EPB41L3: variants seen among roughly 807,000 people sequenced by gnomAD.
EPB41L3 encodes band 4.1-like protein 3.
Under a neutral mutation model 127.1 loss-of-function variants are expected in EPB41L3, and 57 were observed. The observed-to-expected ratio is 0.45, with a 90% CI of 0.36 to 0.56. The LOEUF (loss-of-function observed/expected upper bound fraction) is 0.56. Among genes scored for constraint, EPB41L3 ranks in the 20% least tolerant of loss-of-function variants. EPB41L3 has a pLI of 0.00. For missense variants in EPB41L3, 1,273 were observed against 1,372.2 expected (o/e 0.93, Z 1.14); for synonymous variants, 572 against 549.5 (o/e 1.04, Z -0.57).
intron 3 of EPB41L3, among the ~76,000 whole-genome samples, chr18:5,474,812 G>C (rs968197191): frequency 3.3e-5 from 5 of 152,130 alleles, no homozygotes; most frequent in African/African-American, 9.7e-5. Context: ...AGTAGGAAGG[G>C]GCATTGGATG....
chr18:5,588,496 G>A, intron 3 of EPB41L3, among the ~76,000 whole-genome samples: 1 of 150,434 alleles, frequency 6.6e-6, no homozygotes. Context: ...ACATAAATAT[G>A]TGTATATATT....
At chr18:5,519,131 G>A (rs1350899996) in intron 1 of EPB41L3, among the ~76,000 whole-genome samples, 1 of 152,172 alleles carries the variant, frequency 6.6e-6, no homozygotes, top group African/African-American at 2.4e-5. Context: ...AGAAGAAAAC[G>A]ACGAGTGAAA....
intron 1 of EPB41L3, among the ~76,000 whole-genome samples, chr18:5,500,353 G>C (rs1296615188): frequency 1.3e-5 from 2 of 152,178 alleles, no homozygotes; most frequent in African/African-American, 2.4e-5. Flanking sequence ...GCATCTGTGA[G>C]AAAGGAGGTG....
chr18:5,604,691 T>TG (rs1276439974), intron 3 of EPB41L3, among the ~76,000 whole-genome samples: 10 of 152,132 alleles, frequency 6.6e-5, no homozygotes, highest in African/African-American at 2.4e-4. Flanking sequence ...TGGCCTCAAG[T>TG]GATCTGCCCA....
At chr18:5,452,989 A>G (rs1332081979) in intron 3 of EPB41L3, among the ~76,000 whole-genome samples, 1 of 152,066 alleles carries the variant, frequency 6.6e-6, no homozygotes, top group Non-Finnish European at 1.5e-5. Flanking sequence ...GGGTACAAAC[A>G]CCTGGCACTG....
At chr18:5,563,645 G>T (rs916314758) in intron 3 of EPB41L3, among the ~76,000 whole-genome samples, 1 of 152,128 alleles carries the variant, frequency 6.6e-6, no homozygotes, top group Non-Finnish European at 1.5e-5. Flanking sequence ...ACTAGGAAAG[G>T]AGGAGTCTGC....
chr18:5,441,520 C>T (rs2080740597), intron 5 of EPB41L3, among the ~76,000 whole-genome samples: 1 of 150,234 alleles, frequency 6.7e-6, no homozygotes, highest in South Asian at 2.1e-4. Flanking sequence ...GGCTGGAGCG[C>T]AGTGGCGCGA....
chr18:5,478,827 A>G (rs1379782810), intron 2 of EPB41L3, among the ~76,000 whole-genome samples: 1 of 152,182 alleles, frequency 6.6e-6, no homozygotes, highest in Non-Finnish European at 1.5e-5. Flanking sequence ...AGATCCTTCT[A>G]TACTCTACAA....
intron 6 of EPB41L3, 114 bp downstream of exon 6, chr18:5,437,921 T>G: frequency 1.2e-6 from 1 of 848,514 alleles, no homozygotes; most frequent in Non-Finnish European, 1.8e-6. Flanking sequence ...TGTTTGCCAT[T>G]TGAGCGTGGA....
At chr18:5,524,386 G>A (rs936060660) in intron 1 of EPB41L3, among the ~76,000 whole-genome samples, 1 of 152,010 alleles carries the variant, frequency 6.6e-6, no homozygotes, top group East Asian at 1.9e-4. Flanking sequence ...GTAGAGACAG[G>A]GTTTCACCAT....
upstream of EPB41L3, among the ~76,000 whole-genome samples, chr18:5,548,453 A>C (rs184983239): frequency 6.6e-6 from 1 of 152,228 alleles, no homozygotes; most frequent in Non-Finnish European, 1.5e-5. Flanking sequence ...TATACATAAG[A>C]TGGAGCAAGT....
At chr18:5,464,991 G>C (rs1279478677) in intron 3 of EPB41L3, among the ~76,000 whole-genome samples, 1 of 152,206 alleles carries the variant, frequency 6.6e-6, no homozygotes, top group Non-Finnish European at 1.5e-5. Flanking sequence ...CAGGATAAGA[G>C]ACAAGCACTG....
Position 5,568,393 on chromosome 18 carries a change from C to T in EPB41L3, c.-306+43947G>A, listed in dbSNP as rs114002796. Among the ~76,000 whole-genome samples the T allele has an allele frequency of 1.2e-3, 168 of 138,528 alleles. 1 individual carries two copies. Among genetic ancestry groups the T allele is most frequent in the African/African-American group, 4.4e-3 (161 of 36,608 alleles). 90.9% of individuals were successfully genotyped at this position (138,528 alleles called of 152,430 possible). A position where few individuals can be genotyped will look rare whatever the true frequency, so the allele number is the denominator to read the frequency against. ...CATTCCCCAAGAGCTTCCCTTCTCT[C>T]TTCTCTATGGTTTCTACCAATTCCT... is the stretch of plus-strand genomic sequence containing the variant. On this transcript the variant is annotated intron_variant, in intron 3 of 21. Coordinates refer to the EPB41L3 transcript ENST00000545076.
intron 3 of EPB41L3, among the ~76,000 whole-genome samples, chr18:5,449,425 T>G (rs535483553): frequency 5.3e-5 from 8 of 152,348 alleles, no homozygotes; most frequent in African/African-American, 7.2e-5. Context: ...TTTGGCAGTT[T>G]CTTACAAAAC....
At chr18:5,477,709 T>C (rs1299624700) in intron 3 of EPB41L3, among the ~76,000 whole-genome samples, 1 of 152,146 alleles carries the variant, frequency 6.6e-6, no homozygotes, top group East Asian at 1.9e-4. Context: ...TCTGTTTTCT[T>C]TACAAAGAAA....
chr18:5,568,743 A>G (rs888210154), intron 3 of EPB41L3, among the ~76,000 whole-genome samples: 3 of 152,186 alleles, frequency 2.0e-5, no homozygotes, highest in African/African-American at 7.2e-5. Flanking sequence ...TTTGTTCCTA[A>G]GGCCCATAGT....
chr18:5,554,745 A>G (rs905651803), intron 3 of EPB41L3, among the ~76,000 whole-genome samples: 2 of 152,140 alleles, frequency 1.3e-5, no homozygotes, highest in African/African-American at 4.8e-5. Context: ...AAGCATTTAT[A>G]TTCTGAGGAC....
At chr18:5,622,893 G>C (rs1487487964) in intron 1 of EPB41L3, among the ~76,000 whole-genome samples, 1 of 135,534 alleles carries the variant, frequency 7.4e-6, no homozygotes, top group East Asian at 2.3e-4. Context: ...AACATTCCAT[G>C]TTTGTTTTTA....
At chr18:5,477,421 T>C (rs1160146939) in intron 3 of EPB41L3, among the ~76,000 whole-genome samples, 1 of 152,148 alleles carries the variant, frequency 6.6e-6, no homozygotes, top group Non-Finnish European at 1.5e-5. Context: ...GCCCTCTTTA[T>C]GACAAGGGCA....
Sources: allele counts gnomAD v4.1 joint callset (sites outside exome capture counted in the v4.1 genomes callset), GRCh38; gene constraint gnomAD v4.1.1; transcripts MANE v1.5; gene names NCBI Gene and HGNC (gene_info 2026-07-23, HGNC 2026-07-21).